Variants in IRF2 observed in about 807,000 individuals in gnomAD.
IRF2 encodes the protein interferon regulatory factor 2.
A neutral mutation model predicts 40.6 loss-of-function variants in IRF2; 15 were observed. That is an observed-to-expected ratio of 0.37 (90% CI 0.25 to 0.57). IRF2 has a LOEUF of 0.57. IRF2 is among the 20% of genes least tolerant of loss of function. The probability of loss-of-function intolerance (pLI) is 0.77; values close to 1 mark genes in which losing one functional copy is unlikely to be tolerated. For synonymous variants in IRF2, 151 were observed against 165.5 expected, an observed-to-expected ratio of 0.91 and a Z score of 0.67; for missense variants, 317 against 455.7, an observed-to-expected ratio of 0.70 and a Z score of 2.77.
chr4:184,419,011 A>ACAAAC (rs1245351883), intron 3 of IRF2, among the ~76,000 whole-genome samples: 1 of 152,224 alleles, frequency 6.6e-6, no homozygotes, highest in African/African-American at 2.4e-5. Context: ...TAAGAAAAAT[A>ACAAAC]TAGAAGACTG....
At chr4:184,398,847 G>T in intron 7 of IRF2, 68 bp downstream of exon 7, 1 of 1,431,184 alleles carries the variant, frequency 7.0e-7, no homozygotes, top group Non-Finnish European at 9.3e-7. Flanking sequence ...TGGTGAGATG[G>T]GTGACCCTAG....
At position 184,388,325 on chromosome 4, in the gene IRF2, A is replaced by G. The variant is rs940717849; in HGVS notation, c.*433T>C. On this transcript the variant is annotated 3_prime_UTR_variant, in exon 9 of 9. Coordinates refer to ENST00000393593, the MANE Select transcript of IRF2 (RefSeq NM_002199.4). The surrounding 1 kb of genome is among the most constrained non-coding windows in gnomAD (Gnocchi z 4.6). ...ATAGAGCAAGATCACAAGAAGGCCT[A>G]TCTGTAAGTGCTTTAAGATAAGGTG... is the stretch of plus-strand genomic sequence containing the variant. 3 of 165,882 alleles carry G rather than the reference A, an allele frequency of 1.8e-5. No individual in the cohort carries two copies. The highest frequency in any genetic ancestry group is 6.3e-5 in the Admixed American group (1 of 15,820). The allele number at this position is 165,882 out of a possible 1,614,324, so 10.3% of individuals were successfully genotyped here.
At chr4:184,439,680 T>C (rs1222293548) in intron 1 of IRF2, among the ~76,000 whole-genome samples, 1 of 152,242 alleles carries the variant, frequency 6.6e-6, no homozygotes, top group Non-Finnish European at 1.5e-5. Context: ...TGCCATTCTA[T>C]GCACAATTTT....
chr4:184,404,684 C>T (rs1305346170), intron 6 of IRF2, among the ~76,000 whole-genome samples: 22 of 152,184 alleles, frequency 1.4e-4, no homozygotes, highest in Admixed American at 1.1e-3. Flanking sequence ...CGTGCTCTTT[C>T]GGTATAAAAT....
chr4:184,418,089 A>T (rs1483445576), intron 5 of IRF2, 78 bp downstream of exon 5: 1 of 1,053,374 alleles, frequency 9.5e-7, no homozygotes, highest in Non-Finnish European at 1.5e-6. Flanking sequence ...AGGTCCTGTG[A>T]CTCATCTTTA....
intron 6 of IRF2, among the ~76,000 whole-genome samples, chr4:184,401,761 G>A (rs1736674676): frequency 6.6e-6 from 1 of 152,230 alleles, no homozygotes; most frequent in Admixed American, 6.5e-5. Flanking sequence ...AGGAGGGAGG[G>A]CGCAGCGATA....
intron 1 of IRF2, among the ~76,000 whole-genome samples, chr4:184,457,666 G>C (rs74919521): frequency 6.6e-6 from 1 of 152,030 alleles, no homozygotes; most frequent in Non-Finnish European, 1.5e-5. Context: ...GACAGGCCTG[G>C]CTATTATCAA....
intron 1 of IRF2, among the ~76,000 whole-genome samples, chr4:184,456,167 C>T (rs1738918062): frequency 6.6e-6 from 1 of 152,114 alleles, no homozygotes; most frequent in Non-Finnish European, 1.5e-5. Context: ...CTGCATCAGA[C>T]TCACCCCCAT....
intron 1 of IRF2, among the ~76,000 whole-genome samples, chr4:184,442,693 A>G (rs1192574429): frequency 6.6e-6 from 1 of 151,874 alleles, no homozygotes; most frequent in African/African-American, 2.4e-5. Flanking sequence ...AAGAGCAAAC[A>G]CTTCGTTATG....
At chr4:184,418,488 G>T in intron 4 of IRF2, 44 bp downstream of exon 4, 3 of 1,559,950 alleles carry the variant, frequency 1.9e-6, no homozygotes, top group African/African-American at 1.4e-5. Flanking sequence ...AAGGCACGAT[G>T]ACACAAATTG....
At chr4:184,453,441 T>C (rs1738800989) in intron 1 of IRF2, among the ~76,000 whole-genome samples, 1 of 152,248 alleles carries the variant, frequency 6.6e-6, no homozygotes. Flanking sequence ...CTTCTTTCCA[T>C]ATGGAAAACG....
rs767144163 is a variant in IRF2 at position 184,460,641 on chromosome 4, G to GCACA, written c.-7+13734_-7+13737dup. On this transcript the variant is annotated intron_variant, in intron 1 of 8. Transcript: ENST00000393593. ...GCCAAACACACACACACGCATGCAC[G>GCACA]CACACACACACACACATGCACGCGC... Among the ~76,000 whole-genome samples the GCACA allele has an allele frequency of 1.6e-3, 229 of 142,410 alleles. 1 individual carries two copies. The highest frequency in any genetic ancestry group is 5.8e-3 in the African/African-American group (222 of 38,428). 93.4% of individuals were successfully genotyped at this position (142,410 alleles called of 152,430 possible).
intron 7 of IRF2, among the ~76,000 whole-genome samples, chr4:184,396,357 T>C (rs184383184): frequency 1.0e-3 from 159 of 152,168 alleles, no homozygotes; most frequent in Non-Finnish European, 2.0e-3. Flanking sequence ...GGGTTCTAGC[T>C]GTGCTCCCAA....
intron 5 of IRF2, among the ~76,000 whole-genome samples, chr4:184,410,309 C>A (rs979173125): frequency 6.6e-6 from 1 of 152,234 alleles, no homozygotes; most frequent in Admixed American, 6.5e-5. Context: ...GAGCTAACTA[C>A]GTACATGGCA....
In IRF2 at chr4:184,420,204, G is replaced by A. The variant is rs140294569; in HGVS notation, c.88-636C>T. On this transcript the variant is annotated intron_variant, in intron 2 of 8. Transcript: ENST00000393593. Reference sequence around the variant, plus strand: ...TTTTTTATAAAACCACAGAAAAATGGCCACCTACCGAAACTTCTAATGCTT... The same window carrying A: ...TTTTTTATAAAACCACAGAAAAATGACCACCTACCGAAACTTCTAATGCTT... 7.4e-3 allele frequency among the ~76,000 whole-genome samples: 1,129 copies of A among 152,160 alleles called. 3 individuals carry two copies. Among genetic ancestry groups the A allele is most frequent in the Middle Eastern group, 0.061 (18 of 294 alleles).
At chr4:184,465,717 C>T (rs189627844) in intron 1 of IRF2, among the ~76,000 whole-genome samples, 2 of 152,266 alleles carry the variant, frequency 1.3e-5, no homozygotes, top group East Asian at 3.9e-4. Flanking sequence ...CTGGATGTGC[C>T]GTAATTCGTT....
At chr4:184,398,116 T>G (rs1045730579) in intron 7 of IRF2, among the ~76,000 whole-genome samples, 1 of 152,192 alleles carries the variant, frequency 6.6e-6, no homozygotes, top group Non-Finnish European at 1.5e-5. Flanking sequence ...GATCTAGCAA[T>G]GAGCTTGGGG....
In IRF2 at chr4:184,455,377, T is replaced by C. The variant is rs1323157051; in HGVS notation, c.-7+19002A>G. On this transcript the variant is annotated intron_variant, in intron 1 of 8. Coordinates refer to ENST00000393593, the MANE Select transcript of IRF2 (RefSeq NM_002199.4). ...CCAGGCTGGTCTCAACCTCCTGGCC[T>C]CAAGTGATCCTCCCATCTCAGCCTC... 6.1e-5 allele frequency among the ~76,000 whole-genome samples: 8 copies of C among 131,436 alleles called. No homozygotes were observed. In the East Asian group the frequency reaches 2.0e-3, roughly 33 times the overall value. The allele number at this position is 131,436 out of a possible 152,430, so 86.2% of individuals were successfully genotyped here. A position where few individuals can be genotyped will look rare whatever the true frequency, so the allele number is the denominator to read the frequency against.
intron 6 of IRF2, among the ~76,000 whole-genome samples, chr4:184,402,841 A>G (rs1427454413): frequency 6.6e-6 from 1 of 152,158 alleles, no homozygotes; most frequent in African/African-American, 2.4e-5. Flanking sequence ...TGTCTTGACT[A>G]TGGTGGTAGT....
Sources: allele counts gnomAD v4.1 joint callset (sites outside exome capture counted in the v4.1 genomes callset), GRCh38; gene constraint gnomAD v4.1.1; non-coding constraint Gnocchi (gnomAD v3.1); transcripts MANE v1.5; gene names NCBI Gene and HGNC (gene_info 2026-07-23, HGNC 2026-07-21).